ROS1: variants seen among roughly 807,000 people sequenced by gnomAD.
ROS1 encodes ROS proto-oncogene 1, receptor tyrosine kinase.
In ROS1, 263 loss-of-function variants were observed where a neutral mutation model predicts 273.5. The observed-to-expected ratio is 0.96, with a 90% CI of 0.87 to 1.06. The LOEUF (loss-of-function observed/expected upper bound fraction) is 1.06, where lower values mean the gene tolerates loss of function less well. Ranked by LOEUF, ROS1 falls within the 50% of genes least tolerant of loss-of-function variation. The pLI, the probability that ROS1 is intolerant of heterozygous loss-of-function variation, is 0.00. For synonymous variants in ROS1, 1,008 were observed against 954.1 expected (o/e 1.06, Z -1.04); for missense variants, 2,833 against 2,751.1 (o/e 1.03, Z -0.67).
chr6:117,399,774 T>C (rs1773798385), intron 7 of ROS1, among the ~76,000 whole-genome samples: 2 of 152,146 alleles, frequency 1.3e-5, no homozygotes, highest in Non-Finnish European at 2.9e-5. Context: ...AATACCCCAA[T>C]ATATGTTCTG....
chr6:117,422,781 T>C (rs959375530), intron 1 of ROS1, among the ~76,000 whole-genome samples: 3 of 152,136 alleles, frequency 2.0e-5, no homozygotes, highest in African/African-American at 7.2e-5. Context: ...CCTTTAACTG[T>C]CTAGTGATAG....
In ROS1 at chr6:117,385,827, A is replaced by G; in HGVS notation, c.2145T>C (p.Ser715=). 1.2e-6 allele frequency: 2 copies of G among 1,614,184 alleles called. No individual in the cohort carries two copies. The highest frequency in any genetic ancestry group is 1.7e-6 in the Non-Finnish European group (2 of 1,180,040). The change falls in exon 16 of 44, where the codon AGT becomes AGC. Residue 715 remains serine (S), a synonymous_variant. Transcript: ENST00000368507. ...MDWYNNSLYY[S]DTKGDVFVWL... is the part of the protein sequence containing the mutation. ...ACACAAAAACGTCGCCTTTCGTGTC[A>G]CTGTAGTAGAGGCTGTTGTTATACC...
At chr6:117,396,884 T>G in intron 8 of ROS1, 31 bp downstream of exon 8, 6 of 1,461,688 alleles carry the variant, frequency 4.1e-6, no homozygotes, top group Non-Finnish European at 5.7e-6. Context: ...CCATGCTGGT[T>G]ACATTTTCCT....
At chr6:117,318,370 T>C (rs1424891896) in intron 37 of ROS1, 118 bp from the exon 38 acceptor site, 1 of 741,356 alleles carries the variant, frequency 1.3e-6, no homozygotes, top group Admixed American at 2.1e-5. Context: ...TGGAAACAGA[T>C]CGTAGATAAA....
intron 34 of ROS1, 58 bp downstream of exon 34, chr6:117,326,166 T>C (rs1776632122): frequency 3.4e-6 from 3 of 873,522 alleles, no homozygotes. Context: ...AATGTACTGA[T>C]ATTTATTACT....
intron 22 of ROS1, 96 bp from the exon 23 acceptor site, chr6:117,360,501 C>T: frequency 1.3e-6 from 1 of 784,348 alleles, no homozygotes. Context: ...TCATTTCATA[C>T]TCCTGATACA....
In ROS1 at chr6:117,321,370, TG is replaced by T. The variant is rs767170691; in HGVS notation, c.5647del (p.Gln1883LysfsTer8). ...TGTCACCCCTTCCTTGGCACTTTTT[TG>T]ATTCTTTAATCTTCTATGCCAGACT... ...TFVWHRRLKN[Q>X]KSAKEGVTVL... On this transcript the variant is annotated frameshift_variant, in exon 36 of 44. Coordinates refer to ENST00000368507, the MANE Select transcript of ROS1 (RefSeq NM_001378902.1). LOFTEE classifies it high-confidence loss of function. 5.6e-6 allele frequency: 9 copies of T among 1,612,832 alleles called. No individual in the cohort carries two copies. In the Admixed American group the frequency reaches 8.4e-5, roughly 15 times the overall value.
chr6:117,329,392 G>A lies in ROS1; in HGVS notation c.5285C>T (p.Ser1762Leu), dbSNP rs2128593407. ...ATCTTCAGCTTTCTCCCACTGTATTGAATTTTTACTCCCTTCTAGTAATTT... is the reference window on the plus strand; with the variant it reads ...ATCTTCAGCTTTCTCCCACTGTATTAAATTTTTACTCCCTTCTAGTAATTT... ...IPKLLEGSKNSIQWEKAEDNG... is the reference protein window; with the variant it reads ...IPKLLEGSKNLIQWEKAEDNG... Residue 1762 changes from serine to leucine, a missense_variant, in exon 33 of 44, where the codon TCA becomes TTA. Transcript: ENST00000368507. 3.1e-6 allele frequency: 5 copies of A among 1,603,618 alleles called. No individual in the cohort carries two copies. The highest frequency in any genetic ancestry group is 4.3e-6 in the Non-Finnish European group (5 of 1,171,234).
rs923795354 is a variant in ROS1, at chr6:117,394,412, T to A, written c.1007-66A>T. On this transcript the variant is annotated intron_variant, in intron 10 of 43. Coordinates refer to ENST00000368507, the MANE Select transcript of ROS1 (RefSeq NM_001378902.1). Reference sequence around the variant, plus strand: ...AACCAGGACAAAAAACTTGTATGAATGAGAATTTATTTATTTAATGATTAA... The same window carrying A: ...AACCAGGACAAAAAACTTGTATGAAAGAGAATTTATTTATTTAATGATTAA... 2.7e-6 allele frequency: 3 copies of A among 1,093,804 alleles called. No homozygotes were observed. The African/African-American group carries it at 4.9e-5, about 18-fold the overall frequency. The allele number at this position is 1,093,804 out of a possible 1,614,324, so 67.8% of individuals were successfully genotyped here.
At chr6:117,383,687 C>T (rs1241370502) in intron 16 of ROS1, among the ~76,000 whole-genome samples, 179 bp from the exon 17 acceptor site, 3 of 152,242 alleles carry the variant, frequency 2.0e-5, no homozygotes, top group Non-Finnish European at 4.4e-5. Context: ...AACAAGCAAA[C>T]AGGCATGGCA....
At chr6:117,376,349 A>G (rs1781327207) in intron 18 of ROS1, among the ~76,000 whole-genome samples, 1 of 152,162 alleles carries the variant, frequency 6.6e-6, no homozygotes, top group Non-Finnish European at 1.5e-5. Context: ...AAAGATGCTG[A>G]ATTTGTAATC....
At chr6:117,372,491 A>G (rs1780888654) in intron 18 of ROS1, among the ~76,000 whole-genome samples, 1 of 152,218 alleles carries the variant, frequency 6.6e-6, no homozygotes. Context: ...ATGAAACCAC[A>G]GACCCTCGTG....
At chr6:117,307,225 C>A (rs1775173138) in intron 42 of ROS1, among the ~76,000 whole-genome samples, 1 of 152,084 alleles carries the variant, frequency 6.6e-6, no homozygotes, top group Non-Finnish European at 1.5e-5. Flanking sequence ...ACAAAATAAT[C>A]AAACACATCA....
At position 117,316,276 on chromosome 6, in the gene ROS1, CG is replaced by C. The variant is rs369400154; in HGVS notation, c.6117+866del. Among the ~76,000 whole-genome samples, 610 of 137,060 alleles carry C rather than the reference CG, an allele frequency of 4.5e-3. 2 individuals carry two copies. The highest frequency in any genetic ancestry group is 0.014 in the African/African-American group (541 of 38,742). The allele number at this position is 137,060 out of a possible 152,430, so 89.9% of individuals were successfully genotyped here. A position where few individuals can be genotyped will look rare whatever the true frequency, so the allele number is the denominator to read the frequency against. On this transcript the variant is annotated intron_variant, in intron 39 of 43. Coordinates refer to ENST00000368507, the MANE Select transcript of ROS1 (RefSeq NM_001378902.1). ...ATGAGCAGACTATTTAGGAACTTGG[CG>C]GTAAATACCACAAGATACATGCGGG... is the stretch of plus-strand genomic sequence containing the variant.
Position 117,383,437 on chromosome 6 carries a change from C to G in ROS1, c.2361G>C (p.Met787Ile), listed in dbSNP as rs140511382. The G allele has an allele frequency of 4.6e-4, 736 of 1,613,948 alleles. 4 individuals are homozygous for G. In the African/African-American group the frequency reaches 8.2e-3, roughly 18 times the overall value. ...VTHVKLLVND[M>I]VVDSVGGYLY... Reference sequence around the variant, plus strand: ...GATATCCACCAACTGAATCCACCACCATGTCATTCACCAATAGCTTCACGT... The same window carrying G: ...GATATCCACCAACTGAATCCACCACGATGTCATTCACCAATAGCTTCACGT... The change falls in exon 17 of 44, where the codon ATG becomes ATC. Residue 787 changes from methionine (M) to isoleucine (I), a missense_variant. Physicochemically the swap from Met to Ile is conservative, Grantham distance 10. Transcript: ENST00000368507.
At chr6:117,378,478 G>C (rs1045550494) in intron 18 of ROS1, among the ~76,000 whole-genome samples, 2 of 152,154 alleles carry the variant, frequency 1.3e-5, no homozygotes, top group Non-Finnish European at 2.9e-5. Context: ...TGTGATGATG[G>C]ATATGTTCTG....
chr6:117,326,003 A>T (rs973690650), intron 34 of ROS1, among the ~76,000 whole-genome samples: 7 of 150,730 alleles, frequency 4.6e-5, no homozygotes, highest in African/African-American at 1.7e-4. Flanking sequence ...GCTGATTATT[A>T]TTGGGGAGAA....
intron 35 of ROS1, among the ~76,000 whole-genome samples, 189 bp downstream of exon 35, chr6:117,324,143 T>C (rs888925588): frequency 6.6e-6 from 1 of 152,220 alleles, no homozygotes; most frequent in Non-Finnish European, 1.5e-5. Context: ...AAAATAGTTA[T>C]GCCTAGATCA....
Position 117,341,262 on chromosome 6 carries a change from A to G in ROS1, c.4934T>C (p.Val1645Ala). The change falls in exon 31 of 44, where the codon GTC becomes GCC. Residue 1645 changes from valine to alanine, a missense_variant. Physicochemically the swap from Val to Ala is moderately conservative, Grantham distance 64. Coordinates refer to ENST00000368507, the MANE Select transcript of ROS1 (RefSeq NM_001378902.1). ...TGGTGTGTTAAACATTTCCACAGTG[A>G]CAGGATGACTCTCTGTACACCACAT... is the stretch of plus-strand genomic sequence containing the variant. The part of the protein sequence containing the change: ...EEMWCTESHP[V>A]TVEMFNTPEK... 6.2e-7 allele frequency: 1 copy of G among 1,613,766 alleles called. No homozygotes were observed. The highest frequency in any genetic ancestry group is 8.5e-7 in the Non-Finnish European group (1 of 1,179,752).
Sources: gnomAD v4.1 joint callset for allele counts (sites outside exome capture counted in the v4.1 genomes callset) on GRCh38, gnomAD v4.1.1 for gene constraint, MANE v1.5 for transcripts, NCBI Gene and HGNC (gene_info 2026-07-23, HGNC 2026-07-21) for gene names.